Variants in FAT3 observed in about 807,000 individuals in gnomAD.
FAT3 encodes FAT atypical cadherin 3.
In FAT3, 95 loss-of-function variants were observed where a neutral mutation model predicts 310.2. The ratio of observed to expected loss-of-function variants is 0.31; its 90% CI spans 0.26 to 0.36. The LOEUF is 0.36. Among genes scored for constraint, FAT3 ranks in the 10% least tolerant of loss-of-function variants. FAT3 has a pLI of 1.00. For synonymous variants in FAT3, 2,314 were observed against 2,192.9 expected, an observed-to-expected ratio of 1.06 and a Z score of -1.54; for missense variants, 5,408 against 5,715.6, an observed-to-expected ratio of 0.95 and a Z score of 1.74.
intron 3 of FAT3, among the ~76,000 whole-genome samples, chr11:92,558,511 T>C (rs977041135): frequency 6.6e-6 from 1 of 151,994 alleles, no homozygotes; most frequent in South Asian, 2.1e-4. Context: ...GGCTGTCCAA[T>C]TTATCTCTGG....
intron 4 of FAT3, among the ~76,000 whole-genome samples, chr11:92,718,253 T>C (rs1324569125): frequency 6.6e-6 from 1 of 152,172 alleles, no homozygotes; most frequent in Non-Finnish European, 1.5e-5. Flanking sequence ...CAAAAGTATA[T>C]GTAAAGGTTT....
At chr11:92,227,320 T>A (rs1863963761) in intron 1 of FAT3, among the ~76,000 whole-genome samples, 1 of 152,116 alleles carries the variant, frequency 6.6e-6, no homozygotes, top group Non-Finnish European at 1.5e-5. Context: ...TTCATCACGG[T>A]GGATTTGTGC....
intron 2 of FAT3, among the ~76,000 whole-genome samples, chr11:92,406,130 C>A (rs1215665824): frequency 6.6e-6 from 1 of 152,152 alleles, no homozygotes; most frequent in Non-Finnish European, 1.5e-5. Context: ...TCCTAGTTTC[C>A]ACTATGAGTT....
intron 1 of FAT3, among the ~76,000 whole-genome samples, chr11:92,264,478 T>G (rs556630586): frequency 2.0e-5 from 3 of 152,260 alleles, no homozygotes; most frequent in Admixed American, 6.5e-5. Context: ...TCTCTACCCT[T>G]TGCCTTGTAG....
intron 1 of FAT3, among the ~76,000 whole-genome samples, chr11:92,269,568 A>G (rs1429386486): frequency 1.3e-5 from 2 of 152,150 alleles, no homozygotes; most frequent in Non-Finnish European, 2.9e-5. Context: ...GTTTGAAGTT[A>G]TAATATGGAA....
intron 2 of FAT3, among the ~76,000 whole-genome samples, chr11:92,482,194 C>T (rs961678828): frequency 6.6e-6 from 1 of 152,064 alleles, no homozygotes. Context: ...TGTTAGTGAA[C>T]ACTATCAGAT....
intron 2 of FAT3, among the ~76,000 whole-genome samples, chr11:92,469,975 A>G (rs775917747): frequency 1.3e-5 from 2 of 152,214 alleles, no homozygotes; most frequent in Non-Finnish European, 2.9e-5. Flanking sequence ...TTATCCAATC[A>G]TGCTCCAATT....
intron 2 of FAT3, among the ~76,000 whole-genome samples, chr11:92,512,309 C>G (rs1169877275): frequency 1.3e-5 from 2 of 151,652 alleles, no homozygotes; most frequent in African/African-American, 4.8e-5. Flanking sequence ...CAGGCACCAC[C>G]TCATTCTCTA....
At chr11:92,441,569 A>T (rs1472336364) in intron 2 of FAT3, among the ~76,000 whole-genome samples, 1 of 152,180 alleles carries the variant, frequency 6.6e-6, no homozygotes, top group Non-Finnish European at 1.5e-5. Flanking sequence ...ATCAGGCTTT[A>T]GCTGCTTGAT....
chr11:92,512,579 A>T (rs1443544514), intron 2 of FAT3, among the ~76,000 whole-genome samples: 1 of 147,168 alleles, frequency 6.8e-6, no homozygotes. Flanking sequence ...TATATTTTAA[A>T]TTTTTATATA....
chr11:92,303,784 T>G (rs901683430), intron 1 of FAT3, among the ~76,000 whole-genome samples: 1 of 152,164 alleles, frequency 6.6e-6, no homozygotes, highest in Non-Finnish European at 1.5e-5. Flanking sequence ...AGAGGTGGGT[T>G]AGATTCGCCT....
chr11:92,694,709 C>T (rs1314005007), intron 3 of FAT3, among the ~76,000 whole-genome samples: 1 of 152,124 alleles, frequency 6.6e-6, no homozygotes, highest in African/African-American at 2.4e-5. Context: ...GCAAAGGGGT[C>T]CTGGTCTTTT....
chr11:92,285,828 A>T (rs1946548629), intron 1 of FAT3, among the ~76,000 whole-genome samples: 1 of 152,164 alleles, frequency 6.6e-6, no homozygotes, highest in African/African-American at 2.4e-5. Flanking sequence ...GTGTTGAATT[A>T]AGGTAGCAGA....
At chr11:92,487,882 C>T (rs549049364) in intron 2 of FAT3, among the ~76,000 whole-genome samples, 1 of 152,282 alleles carries the variant, frequency 6.6e-6, no homozygotes, top group African/African-American at 2.4e-5. Flanking sequence ...ACACAGGGTA[C>T]TGGGTCTGTG....
At chr11:92,351,211 G>A (rs1486366024) in intron 1 of FAT3, among the ~76,000 whole-genome samples, 1 of 152,062 alleles carries the variant, frequency 6.6e-6, no homozygotes, top group African/African-American at 2.4e-5. Flanking sequence ...TAACTCCTTA[G>A]GGATTATTGT....
intron 2 of FAT3, among the ~76,000 whole-genome samples, chr11:92,444,662 G>GC: frequency 7.2e-6 from 1 of 138,146 alleles, no homozygotes; most frequent in African/African-American, 2.9e-5. Flanking sequence ...ATATTACTGG[G>GC]GGGGGGGGAA....
At chr11:92,809,710 G>A in intron 12 of FAT3, 133 bp from the exon 13 acceptor site, 1 of 666,870 alleles carries the variant, frequency 1.5e-6, no homozygotes, top group Non-Finnish European at 2.6e-6. Flanking sequence ...CATTTTTAAA[G>A]TATGGGACAC....
At chr11:92,472,974 C>T (rs73550915) in intron 2 of FAT3, among the ~76,000 whole-genome samples, 4,354 of 152,240 alleles carry the variant, frequency 0.029, 210 homozygotes, top group African/African-American at 0.099. Flanking sequence ...TTTGTTCCTC[C>T]ACATTTTTGG....
chr11:92,281,623 C>G (rs1248242368), intron 1 of FAT3, among the ~76,000 whole-genome samples: 4 of 152,132 alleles, frequency 2.6e-5, no homozygotes, highest in African/African-American at 9.7e-5. Context: ...TCTTAAGTGA[C>G]TTTTCCTCAG....
Sources: gnomAD v4.1 joint callset for allele counts (sites outside exome capture counted in the v4.1 genomes callset) on GRCh38, gnomAD v4.1.1 for gene constraint, MANE v1.5 for transcripts, NCBI Gene and HGNC (gene_info 2026-07-23, HGNC 2026-07-21) for gene names.